Variants in STK3 observed in about 807,000 individuals in gnomAD.
STK3 encodes the protein serine/threonine kinase 3, also known as serine/threonine-protein kinase 3.
STK3 carries 41 observed loss-of-function variants against 58.0 expected under a neutral mutation model. The observed-to-expected ratio is 0.71, with a 90% CI of 0.55 to 0.92. The LOEUF is 0.92. STK3 is among the 40% of genes least tolerant of loss of function. The pLI, the probability that STK3 is intolerant of heterozygous loss-of-function variation, is 0.00. For missense variants in STK3, 479 were observed against 602.7 expected (o/e 0.79, Z 2.15); for synonymous variants, 170 against 191.0 (o/e 0.89, Z 0.91).
At chr8:98,815,633 A>G (rs900826944) in intron 1 of STK3, among the ~76,000 whole-genome samples, 1 of 152,254 alleles carries the variant, frequency 6.6e-6, no homozygotes, top group Non-Finnish European at 1.5e-5. Context: ...GATTAAATCC[A>G]TCAAGTATGT....
chr8:98,576,921 G>T (rs1813446314), intron 8 of STK3, among the ~76,000 whole-genome samples: 1 of 152,084 alleles, frequency 6.6e-6, no homozygotes, highest in African/African-American at 2.4e-5. Flanking sequence ...GGATCTTATT[G>T]TCCCCGTCCT....
At chr8:98,389,971 C>T (rs549256655), upstream of STK3, among the ~76,000 whole-genome samples, 22 of 152,008 alleles carry the variant, frequency 1.4e-4, no homozygotes, top group African/African-American at 4.8e-4. Flanking sequence ...TCTGCATGAG[C>T]CCCCCTTTCC....
chr8:98,469,073 C>T (rs1820706971), intron 10 of STK3, among the ~76,000 whole-genome samples: 1 of 151,120 alleles, frequency 6.6e-6, no homozygotes, highest in Admixed American at 6.6e-5. Flanking sequence ...CGTGCCACTG[C>T]ACTTCAGCCT....
intron 1 of STK3, among the ~76,000 whole-genome samples, chr8:98,385,531 C>T (rs1322718895): frequency 6.6e-6 from 1 of 152,128 alleles, no homozygotes; most frequent in Non-Finnish European, 1.5e-5. Context: ...CTGCAACCTC[C>T]TTGCCTCAAT....
At chr8:98,479,060 A>T (rs985814840) in intron 10 of STK3, among the ~76,000 whole-genome samples, 8 of 152,218 alleles carry the variant, frequency 5.3e-5, no homozygotes, top group African/African-American at 1.9e-4. Context: ...AGAATGCCAT[A>T]GTGAGGATGA....
intron 4 of STK3, among the ~76,000 whole-genome samples, chr8:98,715,917 T>A (rs1826971429): frequency 6.6e-6 from 1 of 151,886 alleles, no homozygotes; most frequent in African/African-American, 2.4e-5. Context: ...ATTAAGAAAA[T>A]GTGGCGCATA....
chr8:98,416,015 T>C (rs1466050115), intron 3 of STK3, among the ~76,000 whole-genome samples: 1 of 152,182 alleles, frequency 6.6e-6, no homozygotes, highest in Non-Finnish European at 1.5e-5. Flanking sequence ...CCAGGCTGCT[T>C]TGGCCTTGGG....
intron 1 of STK3, among the ~76,000 whole-genome samples, chr8:98,892,593 C>T (rs942655963): frequency 2.6e-5 from 4 of 152,266 alleles, no homozygotes; most frequent in African/African-American, 7.2e-5. Flanking sequence ...GGCCTTTGTA[C>T]ACATTGTCCC....
intron 10 of STK3, among the ~76,000 whole-genome samples, chr8:98,488,908 G>A (rs1035258973): frequency 2.0e-5 from 3 of 152,058 alleles, no homozygotes; most frequent in African/African-American, 7.2e-5. Context: ...GTACTGACCC[G>A]CATTATATGG....
intron 4 of STK3, among the ~76,000 whole-genome samples, chr8:98,711,901 A>T (rs1826487360): frequency 6.6e-6 from 1 of 152,242 alleles, no homozygotes; most frequent in Non-Finnish European, 1.5e-5. Context: ...CGGGTTACCC[A>T]CAAAGGGAAG....
At chr8:98,927,104 G>A (rs1839828497) in intron 1 of STK3, among the ~76,000 whole-genome samples, 1 of 152,220 alleles carries the variant, frequency 6.6e-6, no homozygotes, top group African/African-American at 2.4e-5. Context: ...GCGCAGTTCT[G>A]ACAGAATGAG....
At chr8:98,520,956 C>T (rs542225666) in intron 10 of STK3, among the ~76,000 whole-genome samples, 1 of 152,290 alleles carries the variant, frequency 6.6e-6, no homozygotes, top group South Asian at 2.1e-4. Context: ...GCCCCTCTTA[C>T]ACCCTTTTCC....
chr8:98,808,681 G>A (rs937514085), intron 1 of STK3, among the ~76,000 whole-genome samples: 1 of 152,126 alleles, frequency 6.6e-6, no homozygotes, highest in African/African-American at 2.4e-5. Context: ...ATAATATGGT[G>A]ATCTAGTAAG....
At chr8:98,733,898 C>A (rs1357382062) in intron 4 of STK3, among the ~76,000 whole-genome samples, 1 of 152,140 alleles carries the variant, frequency 6.6e-6, no homozygotes, top group Admixed American at 6.5e-5. Context: ...TAAAGAACTA[C>A]CTGAGACTGG....
downstream of STK3, chr8:98,881,042 A>T (rs1232318262): frequency 6.6e-6 from 1 of 152,266 alleles, no homozygotes; most frequent in Non-Finnish European, 1.5e-5. Context: ...TAACATATTT[A>T]TGCCAATAAC....
At chr8:98,491,602 G>A (rs527894421) in intron 10 of STK3, among the ~76,000 whole-genome samples, 3 of 152,114 alleles carry the variant, frequency 2.0e-5, no homozygotes, top group South Asian at 4.2e-4. Flanking sequence ...CACTGCACCC[G>A]GCTAATTTTT....
At chr8:98,700,949 G>A (rs1231758255) in intron 6 of STK3, among the ~76,000 whole-genome samples, 1 of 152,188 alleles carries the variant, frequency 6.6e-6, no homozygotes, top group Non-Finnish European at 1.5e-5. Context: ...ATTGCAGTGA[G>A]CCTAGATGGC....
intron 6 of STK3, among the ~76,000 whole-genome samples, chr8:98,623,361 C>T (rs911095353): frequency 6.6e-6 from 1 of 152,142 alleles, no homozygotes; most frequent in African/African-American, 2.4e-5. Context: ...CTCCATGTTA[C>T]TGTATTTGCA....
At chr8:98,642,189 T>C (rs1820074270) in intron 6 of STK3, among the ~76,000 whole-genome samples, 4 of 152,058 alleles carry the variant, frequency 2.6e-5, no homozygotes. Context: ...TCATGACATA[T>C]GGAGTACACT....
Sources: allele counts gnomAD v4.1 joint callset (sites outside exome capture counted in the v4.1 genomes callset), GRCh38; gene constraint gnomAD v4.1.1; transcripts MANE v1.5; gene names NCBI Gene and HGNC (gene_info 2026-07-23, HGNC 2026-07-21).